The following GPR89A variants were observed in gnomAD, a reference collection of about 807,000 sequenced individuals.
GPR89A encodes G protein-coupled receptor 89A.
Under a neutral mutation model 52.0 loss-of-function variants are expected in GPR89A, and 16 were observed. The observed-to-expected ratio is 0.31, with a 90% CI of 0.21 to 0.47. The LOEUF (loss-of-function observed/expected upper bound fraction) is 0.47. Among genes scored for constraint, GPR89A ranks in the 20% least tolerant of loss-of-function variants. The probability of loss-of-function intolerance (pLI) is 1.00; values close to 1 mark genes in which losing one functional copy is unlikely to be tolerated. For missense variants in GPR89A, 135 were observed against 449.4 expected (o/e 0.30, Z 6.33); for synonymous variants, 55 against 150.9 (o/e 0.36, Z 4.66).
chr1:145,669,681 A>C lies in GPR89A; in HGVS notation c.1152A>C (p.Ala384=), dbSNP rs782707621. Residue 384 remains alanine, a synonymous_variant, in exon 13 of 14, where the codon GCA becomes GCC. Coordinates refer to ENST00000313835, the MANE Select transcript of GPR89A (RefSeq NM_001097612.2). ...CCAATGTCATTGTCCTGCTATTAGC[A>C]CAGATAATGGTAAGTTTAATTAGTT... is the stretch of plus-strand genomic sequence containing the variant. The part of the protein sequence containing the change: ...KSSNVIVLLL[A]QIMGMYFVSS... 5.5e-5 allele frequency: 89 copies of C among 1,611,388 alleles called. No individual in the cohort carries two copies. The highest frequency in any genetic ancestry group is 6.1e-5 in the Non-Finnish European group (72 of 1,179,534).
chr1:145,637,624 G>A (rs1487551740), intron 7 of GPR89A, among the ~76,000 whole-genome samples: 2 of 149,390 alleles, frequency 1.3e-5, no homozygotes, highest in Non-Finnish European at 3.0e-5. Context: ...AAGATAAAAA[G>A]CAGCCAATAG....
chr1:145,615,017 A>G (rs1210277386), intron 1 of GPR89A, among the ~76,000 whole-genome samples: 1 of 152,232 alleles, frequency 6.6e-6, no homozygotes, highest in African/African-American at 2.4e-5. Flanking sequence ...CATTTTATTC[A>G]TAAAGGTCCT....
chr1:145,645,919 C>A, intron 8 of GPR89A: 1 of 569,466 alleles, frequency 1.8e-6, no homozygotes, highest in Non-Finnish European at 3.1e-6. Flanking sequence ...AATCAAAAAA[C>A]AAATGAAACC....
chr1:145,645,874 C>G, intron 8 of GPR89A: 6 of 465,606 alleles, frequency 1.3e-5, no homozygotes, highest in South Asian at 1.3e-4. Context: ...TATTTACAAT[C>G]TTGAACATTA....
intron 10 of GPR89A, among the ~76,000 whole-genome samples, chr1:145,661,740 A>G (rs587716666): frequency 2.0e-5 from 3 of 151,568 alleles, no homozygotes; most frequent in African/African-American, 7.3e-5. Context: ...GATGGAAACT[A>G]AGATCATTGA....
At chr1:145,608,230 C>T in intron 1 of GPR89A, 55 bp downstream of exon 1, 3 of 1,609,604 alleles carry the variant, frequency 1.9e-6, no homozygotes, top group Non-Finnish European at 2.6e-6. Flanking sequence ...CCGAATCGCC[C>T]TCTCCGGTCC....
chr1:145,612,860 C>T (rs1245834669), intron 1 of GPR89A, among the ~76,000 whole-genome samples: 14 of 151,800 alleles, frequency 9.2e-5, no homozygotes, highest in South Asian at 2.1e-4. Flanking sequence ...ATTCCTGGCT[C>T]TCCCTAGAGT....
chr1:145,611,155 G>A (rs1648243372), intron 1 of GPR89A, among the ~76,000 whole-genome samples: 1 of 147,622 alleles, frequency 6.8e-6, no homozygotes, highest in African/African-American at 2.5e-5. Context: ...GAATTCTCCA[G>A]CTACTTGTGT....
At chr1:145,641,307 A>C (rs1254437706) in intron 7 of GPR89A, among the ~76,000 whole-genome samples, 3 of 151,962 alleles carry the variant, frequency 2.0e-5, no homozygotes, top group African/African-American at 7.3e-5. Context: ...ATAAAATTAC[A>C]GAAATGGAGA....
intron 1 of GPR89A, among the ~76,000 whole-genome samples, chr1:145,615,277 T>G (rs1294117394): frequency 6.6e-6 from 1 of 152,232 alleles, no homozygotes; most frequent in East Asian, 1.9e-4. Flanking sequence ...AATATTAGGC[T>G]TTCTACTACT....
rs587666803 is a variant in GPR89A at position 145,639,722 on chromosome 1, G to C, written c.618-4147G>C. 1.4e-3 allele frequency among the ~76,000 whole-genome samples: 209 copies of C among 147,952 alleles called. 1 individual carries two copies. Among genetic ancestry groups the C allele is most frequent in the South Asian group, 3.1e-3 (14 of 4,516 alleles). ...AGATTGCTCCCCTGCCCTCCAGCCT[G>C]GGTGACAGAGCAAAACTCTGTCTCA... On this transcript the variant is annotated intron_variant, in intron 7 of 13. Transcript: ENST00000313835.
intron 7 of GPR89A, among the ~76,000 whole-genome samples, chr1:145,641,658 T>C (rs1199526218): frequency 2.6e-5 from 4 of 152,136 alleles, no homozygotes; most frequent in African/African-American, 7.3e-5. Context: ...ATTTTTTAGC[T>C]TCTTCTGTTG....
chr1:145,668,518 C>T (rs782018781), intron 12 of GPR89A, among the ~76,000 whole-genome samples: 35 of 152,132 alleles, frequency 2.3e-4, no homozygotes, highest in Non-Finnish European at 5.0e-4. Flanking sequence ...CTTCTGCAAA[C>T]AGGGACAATT....
In GPR89A at chr1:145,612,634, G is replaced by T. The variant is rs587651118; in HGVS notation, c.43-3600G>T. ...TTAATTATTTTTATAAGATTATAAT[G>T]CTAAGTACTACTTAGAGAGCCTGTA... On this transcript the variant is annotated intron_variant, in intron 1 of 13. Transcript: ENST00000313835. 5.9e-5 allele frequency among the ~76,000 whole-genome samples: 9 copies of T among 152,162 alleles called. No homozygotes were observed. The East Asian group carries it at 1.5e-3, about 26-fold the overall frequency.
chr1:145,657,041 T>C (rs1651853451), intron 10 of GPR89A, among the ~76,000 whole-genome samples: 1 of 151,926 alleles, frequency 6.6e-6, no homozygotes, highest in African/African-American at 2.4e-5. Context: ...CCTCACTTGG[T>C]CATGGTGAAT....
intron 10 of GPR89A, among the ~76,000 whole-genome samples, chr1:145,651,672 T>A: frequency 7.6e-6 from 1 of 131,454 alleles, no homozygotes; most frequent in Non-Finnish European, 1.6e-5. Context: ...CTGATTTCCT[T>A]GAGCAGTGGT....
intron 5 of GPR89A, among the ~76,000 whole-genome samples, chr1:145,625,857 C>T (rs1384128951): frequency 1.3e-5 from 2 of 150,648 alleles, no homozygotes; most frequent in Non-Finnish European, 1.5e-5. Flanking sequence ...ACTTCCTCAT[C>T]AACCTATGGG....
intron 9 of GPR89A, chr1:145,646,740 T>C (rs1283174619): frequency 1.8e-5 from 4 of 222,956 alleles, no homozygotes; most frequent in Non-Finnish European, 3.5e-5. Context: ...GTGCAAAATC[T>C]GTTAGTGAAG....
chr1:145,653,141 C>A (rs1651578412), intron 10 of GPR89A, among the ~76,000 whole-genome samples: 1 of 151,036 alleles, frequency 6.6e-6, no homozygotes, highest in Non-Finnish European at 1.5e-5. Context: ...CTTAACACTG[C>A]TTTAGCTGTG....
Sources: gnomAD v4.1 joint callset for allele counts (sites outside exome capture counted in the v4.1 genomes callset) on GRCh38, gnomAD v4.1.1 for gene constraint, MANE v1.5 for transcripts, NCBI Gene and HGNC (gene_info 2026-07-23, HGNC 2026-07-21) for gene names.